CABIN1: variants seen among roughly 807,000 people sequenced by gnomAD.
The protein encoded by CABIN1 is calcineurin binding protein 1, also known as calcineurin-binding protein cabin-1.
CABIN1 carries 133 observed loss-of-function variants against 227.7 expected under a neutral mutation model. That is an observed-to-expected ratio of 0.58 (90% CI 0.51 to 0.67). The LOEUF (loss-of-function observed/expected upper bound fraction) is 0.67, where lower values mean the gene tolerates loss of function less well. Among genes scored for constraint, CABIN1 ranks in the 30% least tolerant of loss-of-function variants. CABIN1 has a pLI of 0.00. For missense variants in CABIN1, 2,408 were observed against 2,852.5 expected, an observed-to-expected ratio of 0.84 and a Z score of 3.55; for synonymous variants, 1,086 against 1,155.1, an observed-to-expected ratio of 0.94 and a Z score of 1.21.
At chr22:24,168,102 C>T (rs2046560528) in intron 32 of CABIN1, among the ~76,000 whole-genome samples, 1 of 152,198 alleles carries the variant, frequency 6.6e-6, no homozygotes, top group South Asian at 2.1e-4. Flanking sequence ...ATGTAAGTAA[C>T]TCAGCCATAG....
In CABIN1 at chr22:24,056,192, G is replaced by A; in HGVS notation, c.1094G>A (p.Gly365Asp). The A allele has an allele frequency of 3.1e-6, 5 of 1,613,806 alleles. No homozygotes were observed. The highest frequency in any genetic ancestry group is 1.3e-5 in the African/African-American group (1 of 75,022). Residue 365 changes from glycine to aspartate, a missense_variant and splice_region_variant, in exon 10 of 37, where the codon GGT becomes GAT. Coordinates refer to ENST00000263119, the MANE Select transcript of CABIN1 (RefSeq NM_012295.4). ...ATTTTAATTTGCATTCTTTGTGAAG[G>A]TGATATTTCTGGGGGAGATAAATCC... ...PGLLETGAPV[G>D]DISGGDKSKK...
At chr22:24,170,269 A>G in intron 33 of CABIN1, 1 of 395,868 alleles carries the variant, frequency 2.5e-6, no homozygotes, top group Non-Finnish European at 5.2e-6. Flanking sequence ...CTTAAGCCCA[A>G]TCTTGGAGGC....
intron 29 of CABIN1, among the ~76,000 whole-genome samples, chr22:24,147,883 G>A (rs1054323870): frequency 6.6e-6 from 1 of 151,936 alleles, no homozygotes; most frequent in African/African-American, 2.4e-5. Flanking sequence ...GCAAGCGGAG[G>A]TGTGGGACCT....
chr22:24,177,430 G>T lies in CABIN1; in HGVS notation c.6206-74G>T, dbSNP rs1009428465. On this transcript the variant is annotated intron_variant, in intron 35 of 36. Coordinates refer to ENST00000263119, the MANE Select transcript of CABIN1 (RefSeq NM_012295.4). This position sits in a 1 kb window ranked among gnomAD's most constrained non-coding sequence, Gnocchi z 4.4. ...TAAAGGCCCAGGACCTGGGGGGAGCGGGTGGGGGCGAGATAAAGTGCTCAC... is the reference window on the plus strand; with the variant it reads ...TAAAGGCCCAGGACCTGGGGGGAGCTGGTGGGGGCGAGATAAAGTGCTCAC... 2 of 1,287,086 alleles carry T rather than the reference G, an allele frequency of 1.6e-6. No individual in the cohort carries two copies. Among genetic ancestry groups the T allele is most frequent in the African/African-American group, 1.5e-5 (1 of 67,322 alleles). The allele number at this position is 1,287,086 out of a possible 1,614,324, so 79.7% of individuals were successfully genotyped here. A position where few individuals can be genotyped will look rare whatever the true frequency, so the allele number is the denominator to read the frequency against.
chr22:24,060,010 G>A lies in CABIN1; in HGVS notation c.1486G>A (p.Gly496Ser), dbSNP rs140878813. Residue 496 changes from glycine to serine, a missense_variant, in exon 12 of 37, where the codon GGC becomes AGC. Around this residue, in one of 3 missense-constraint regions of CABIN1, gnomAD observed 1,045 missense variants for 1,168.4 expected, o/e 0.89. Transcript: ENST00000263119. ...GATGATGCGCTACCTGAAAGCCATG[G>A]GCCACAAGTTCTTGGTAAGGTGGCC... ...ELMMRYLKAM[G>S]HKFLVRWPPG... 3.7e-4 allele frequency: 595 copies of A among 1,614,156 alleles called. 3 individuals carry two copies. In the African/African-American group the frequency reaches 6.4e-3, roughly 17 times the overall value.
intron 1 of CABIN1, among the ~76,000 whole-genome samples, chr22:24,019,727 A>AGAGGTGT (rs2035583465): frequency 2.4e-5 from 3 of 122,934 alleles, no homozygotes; most frequent in Admixed American, 1.1e-4. Flanking sequence ...GTGCAATCTT[A>AGAGGTGT]GCTCACCACA....
intron 24 of CABIN1, chr22:24,092,101 G>T (rs566907636): frequency 6.5e-5 from 36 of 550,266 alleles, no homozygotes; most frequent in Non-Finnish European, 9.4e-5. Flanking sequence ...CACTAACACA[G>T]GTTCTAAGAA....
In CABIN1 at chr22:24,059,304, G is replaced by T; in HGVS notation, c.1340G>T (p.Ser447Ile). Residue 447 changes from serine (S) to isoleucine (I), a missense_variant, in exon 11 of 37, where the codon AGC becomes ATC. This residue lies in a region of CABIN1 where 1,045 missense variants were observed against 1,168.4 expected (regional missense o/e 0.89). Coordinates refer to ENST00000263119, the MANE Select transcript of CABIN1 (RefSeq NM_012295.4). ...YEVQSEAKLE[S>I]FPSIGPQRLS... ...GTCCAGTCAGAAGCCAAACTGGAAAGCTTCCCAAGCATTGGGCCTCAAAGG... is the reference window on the plus strand; with the variant it reads ...GTCCAGTCAGAAGCCAAACTGGAAATCTTCCCAAGCATTGGGCCTCAAAGG... 1.2e-6 allele frequency: 2 copies of T among 1,614,224 alleles called. No homozygotes were observed. The highest frequency in any genetic ancestry group is 1.7e-6 in the Non-Finnish European group (2 of 1,180,032).
intron 29 of CABIN1, among the ~76,000 whole-genome samples, chr22:24,136,316 G>C (rs1291016852): frequency 6.6e-6 from 1 of 150,782 alleles, no homozygotes; most frequent in South Asian, 2.1e-4. Flanking sequence ...CCCAACATAG[G>C]GATGTCCCAC....
chr22:24,060,886 C>T (rs1251859500), intron 12 of CABIN1, among the ~76,000 whole-genome samples: 3 of 151,674 alleles, frequency 2.0e-5, no homozygotes, highest in Non-Finnish European at 2.9e-5. Flanking sequence ...GGCGACAAGG[C>T]GAGACTCTTG....
rs1491098123 is a variant in CABIN1, at chr22:24,042,818, C to CGG, written c.346-86_346-85insGG. ...GGTGCATATTCAAGGAGAGATCTGA[C>CGG]TGTGTGTGTGTGTGTGTGTGTGTGT... On this transcript the variant is annotated intron_variant, in intron 5 of 36. Transcript: ENST00000263119. 5.8e-6 allele frequency: 4 copies of CGG among 685,056 alleles called. No individual in the cohort carries two copies. In the East Asian group the frequency reaches 1.8e-4, roughly 31 times the overall value. 42.4% of individuals were successfully genotyped at this position (685,056 alleles called of 1,614,324 possible).
At chr22:24,025,898 A>G (rs1035991485) in intron 1 of CABIN1, among the ~76,000 whole-genome samples, 7 of 151,846 alleles carry the variant, frequency 4.6e-5, no homozygotes, top group East Asian at 2.0e-4. Flanking sequence ...CGGTGGCACA[A>G]TCTCAGCTTA....
intron 27 of CABIN1, among the ~76,000 whole-genome samples, chr22:24,117,041 C>A (rs1353958781): frequency 6.6e-6 from 1 of 152,228 alleles, no homozygotes; most frequent in African/African-American, 2.4e-5. Flanking sequence ...TGGTGTAGTC[C>A]TGTTGGCATT....
At position 24,177,447 on chromosome 22, in the gene CABIN1, A is replaced by G; in HGVS notation, c.6206-57A>G. 1 of 1,416,626 alleles carries G rather than the reference A, an allele frequency of 7.1e-7. No individual in the cohort carries two copies. The highest frequency in any genetic ancestry group is 9.5e-7 in the Non-Finnish European group (1 of 1,054,382). 87.8% of individuals were successfully genotyped at this position (1,416,626 alleles called of 1,614,324 possible). ...GGGGGAGCGGGTGGGGGCGAGATAA[A>G]GTGCTCACTGTGTGATGCGGCAGGC... On this transcript the variant is annotated intron_variant, in intron 35 of 36. Coordinates refer to ENST00000263119, the MANE Select transcript of CABIN1 (RefSeq NM_012295.4). This position sits in a 1 kb window ranked among gnomAD's most constrained non-coding sequence, Gnocchi z 4.4.
At chr22:24,081,852 C>A (rs927429081) in intron 19 of CABIN1, among the ~76,000 whole-genome samples, 5 of 151,914 alleles carry the variant, frequency 3.3e-5, no homozygotes, top group African/African-American at 1.2e-4. Flanking sequence ...CAAGGTGAAA[C>A]CCCGTCTCTA....
chr22:24,172,077 T>TAAGG, intron 34 of CABIN1, 82 bp downstream of exon 34: 1 of 1,500,092 alleles, frequency 6.7e-7, no homozygotes, highest in Non-Finnish European at 9.0e-7. Flanking sequence ...TGAGTATGGG[T>TAAGG]AAGGGAGGCA....
At chr22:24,086,916 G>A (rs1360321123) in intron 22 of CABIN1, among the ~76,000 whole-genome samples, 1 of 152,196 alleles carries the variant, frequency 6.6e-6, no homozygotes, top group African/African-American at 2.4e-5. Context: ...TAGAAGCTGG[G>A]TTGCTGGGGT....
intron 32 of CABIN1, among the ~76,000 whole-genome samples, chr22:24,167,582 G>A (rs558363550): frequency 1.2e-4 from 18 of 152,260 alleles, no homozygotes; most frequent in South Asian, 2.1e-4. Context: ...GGGCCTCTGG[G>A]TACATCTTAG....
At chr22:24,059,196 T>C (rs1480150722) in intron 10 of CABIN1, 31 bp from the exon 11 acceptor site, 10 of 1,613,922 alleles carry the variant, frequency 6.2e-6, no homozygotes, top group Non-Finnish European at 7.6e-6. Context: ...ACGTGTGTTG[T>C]GACTTTGTGA....
Sources: allele counts gnomAD v4.1 joint callset (sites outside exome capture counted in the v4.1 genomes callset), GRCh38; gene constraint gnomAD v4.1.1; regional missense constraint gnomAD v4.1.1; non-coding constraint Gnocchi (gnomAD v3.1); transcripts MANE v1.5; gene names NCBI Gene and HGNC (gene_info 2026-07-23, HGNC 2026-07-21).